The following GALNT18 variants were observed in gnomAD, a reference collection of about 807,000 sequenced individuals.
The protein encoded by GALNT18 is GalNAc-transferase 18.
GALNT18 carries 44 observed loss-of-function variants against 69.5 expected under a neutral mutation model. The observed-to-expected ratio is 0.63, with a 90% CI of 0.50 to 0.81. The LOEUF (loss-of-function observed/expected upper bound fraction) is 0.81, where lower values mean the gene tolerates loss of function less well. GALNT18 is among the 40% of genes least tolerant of loss of function. The probability of loss-of-function intolerance (pLI) is 0.00; values close to 1 mark genes in which losing one functional copy is unlikely to be tolerated. For synonymous variants in GALNT18, 364 were observed against 318.2 expected (o/e 1.14, Z -1.53); for missense variants, 715 against 810.0 (o/e 0.88, Z 1.42).
At chr11:11,323,540 G>C (rs1590037320) in intron 9 of GALNT18, among the ~76,000 whole-genome samples, 1 of 152,220 alleles carries the variant, frequency 6.6e-6, no homozygotes, top group Non-Finnish European at 1.5e-5. Flanking sequence ...TGGCTGTGTG[G>C]GGTGGCCCTG....
chr11:11,526,423 GTA>G (rs1444503692), intron 1 of GALNT18, among the ~76,000 whole-genome samples: 5 of 152,160 alleles, frequency 3.3e-5, no homozygotes, highest in Non-Finnish European at 7.3e-5. Flanking sequence ...TTTCTGGCAT[GTA>G]TAGTTACTTC....
intron 1 of GALNT18, among the ~76,000 whole-genome samples, chr11:11,599,223 A>G (rs912373291): frequency 3.3e-5 from 5 of 152,078 alleles, no homozygotes; most frequent in Admixed American, 1.3e-4. Context: ...GTTGAATTGT[A>G]TATTTCTCTG....
rs1855373961 is a variant in GALNT18, at chr11:11,435,328, G to A, written c.429-2541C>T. 6.6e-6 allele frequency among the ~76,000 whole-genome samples: 1 copy of A among 152,156 alleles called. No individual in the cohort carries two copies. Among genetic ancestry groups the A allele is most frequent in the Admixed American group, 6.5e-5 (1 of 15,270 alleles). On this transcript the variant is annotated intron_variant, in intron 2 of 10. Transcript: ENST00000227756. This position sits in a 1 kb window ranked among gnomAD's most constrained non-coding sequence, Gnocchi z 4.4. ...AGGAGACCAATTTTAATTCCTCCCA[G>A]TAGCAGCCCTGATGGTTTGAGCTGC... is the stretch of plus-strand genomic sequence containing the variant.
chr11:11,391,691 C>A (rs940769207), intron 3 of GALNT18, among the ~76,000 whole-genome samples: 7 of 152,274 alleles, frequency 4.6e-5, no homozygotes, highest in Non-Finnish European at 8.8e-5. Flanking sequence ...GAAGAGGGGG[C>A]CAGGGTATTT....
rs542482585 is a variant in GALNT18 at position 11,399,873 on chromosome 11, T to C, written c.596-20609A>G. 3.9e-5 allele frequency among the ~76,000 whole-genome samples: 6 copies of C among 152,384 alleles called. No individual in the cohort carries two copies. In the South Asian group the frequency reaches 1.2e-3, roughly 32 times the overall value. ...CAATTAACATTTATCGAGCACTTACTATGTGTTAAATATATAGCAATAAAG... is the reference window on the plus strand; with the variant it reads ...CAATTAACATTTATCGAGCACTTACCATGTGTTAAATATATAGCAATAAAG... On this transcript the variant is annotated intron_variant, in intron 3 of 10. Coordinates refer to ENST00000227756, the MANE Select transcript of GALNT18 (RefSeq NM_198516.3).
chr11:11,441,527 T>C (rs1855531419), intron 2 of GALNT18, among the ~76,000 whole-genome samples: 1 of 152,138 alleles, frequency 6.6e-6, no homozygotes, highest in African/African-American at 2.4e-5. Context: ...CTCGGCCACA[T>C]AGCGCCTGTG....
In GALNT18 at chr11:11,340,161, C is replaced by T. The variant is rs1564900962; in HGVS notation, c.1278+658G>A. Among the ~76,000 whole-genome samples the T allele has an allele frequency of 6.6e-6, 1 of 152,120 alleles. No individual in the cohort carries two copies. The highest frequency in any genetic ancestry group is 1.5e-5 in the Non-Finnish European group (1 of 68,012). ...TCCAAGGTCATTTCCACATGTTTCA[C>T]CTTGACACATGGCAGGGCTAAACAA... On this transcript the variant is annotated intron_variant, in intron 7 of 10. Coordinates refer to ENST00000227756, the MANE Select transcript of GALNT18 (RefSeq NM_198516.3). This position sits in a 1 kb window ranked among gnomAD's most constrained non-coding sequence, Gnocchi z 4.2.
rs983260175 is a variant in GALNT18 at position 11,500,412 on chromosome 11, T to C, written c.236-51476A>G. Among the ~76,000 whole-genome samples, 3 of 152,202 alleles carry C rather than the reference T, an allele frequency of 2.0e-5. No individual in the cohort carries two copies. Among genetic ancestry groups the C allele is most frequent in the African/African-American group, 7.2e-5 (3 of 41,454 alleles). Reference sequence around the variant, plus strand: ...TTCCTCACATGGAAAGTGGTGATGGTAACACCTACCTCACAGGATTGTGGA... The same window carrying C: ...TTCCTCACATGGAAAGTGGTGATGGCAACACCTACCTCACAGGATTGTGGA... On this transcript the variant is annotated intron_variant, in intron 1 of 10. Transcript: ENST00000227756. This position sits in a 1 kb window ranked among gnomAD's most constrained non-coding sequence, Gnocchi z 5.0.
In GALNT18 at chr11:11,358,967, G is replaced by A. The variant is rs1340913255; in HGVS notation, c.1092+13548C>T. On this transcript the variant is annotated intron_variant, in intron 6 of 10. Transcript: ENST00000227756. Reference sequence around the variant, plus strand: ...TAGAAACTACAATCCAATTTAAGGTGTTTAATTTTCTCTGTGTCCAGGGAT... The same window carrying A: ...TAGAAACTACAATCCAATTTAAGGTATTTAATTTTCTCTGTGTCCAGGGAT... Among the ~76,000 whole-genome samples the A allele has an allele frequency of 2.1e-5, 3 of 140,098 alleles. 1 individual carries two copies. Among genetic ancestry groups the A allele is most frequent in the African/African-American group, 7.9e-5 (3 of 37,852 alleles). 91.9% of individuals were successfully genotyped at this position (140,098 alleles called of 152,430 possible). A position where few individuals can be genotyped will look rare whatever the true frequency, so the allele number is the denominator to read the frequency against.
chr11:11,592,673 C>A lies in GALNT18; in HGVS notation c.235+28686G>T, dbSNP rs1323229054. On this transcript the variant is annotated intron_variant, in intron 1 of 10. Coordinates refer to ENST00000227756, the MANE Select transcript of GALNT18 (RefSeq NM_198516.3). The surrounding 1 kb of genome is among the most constrained non-coding windows in gnomAD (Gnocchi z 5.9). The stretch of plus-strand genomic sequence containing the variant: ...AACATCCTTCATGTAAAAATCCCAC[C>A]ACTCCCCAAAGCACATTTGGGAGTT... 1.3e-5 allele frequency among the ~76,000 whole-genome samples: 2 copies of A among 152,100 alleles called. No individual in the cohort carries two copies. Among genetic ancestry groups the A allele is most frequent in the African/African-American group, 4.8e-5 (2 of 41,406 alleles).
rs972109861 is a variant in GALNT18 at position 11,600,387 on chromosome 11, C to T, written c.235+20972G>A. Among the ~76,000 whole-genome samples, 2 of 152,044 alleles carry T rather than the reference C, an allele frequency of 1.3e-5. No homozygotes were observed. The highest frequency in any genetic ancestry group is 4.8e-5 in the African/African-American group (2 of 41,424). ...TATTTTGTATTCATTTTGTCTTCAA[C>T]TATTCTTTTGAAGAATAGTTTTGCT... On this transcript the variant is annotated intron_variant, in intron 1 of 10. Transcript: ENST00000227756. The surrounding 1 kb of genome is among the most constrained non-coding windows in gnomAD (Gnocchi z 4.8).
In GALNT18 at chr11:11,613,262, A is replaced by G. The variant is rs1424835119; in HGVS notation, c.235+8097T>C. On this transcript the variant is annotated intron_variant, in intron 1 of 10. Transcript: ENST00000227756. The surrounding 1 kb of genome is among the most constrained non-coding windows in gnomAD (Gnocchi z 4.2). ...ACTGGAACTACAGGGGATCTATAAA[A>G]GGTATACAGATCCACAGAGAAGATT... Among the ~76,000 whole-genome samples the G allele has an allele frequency of 6.6e-6, 1 of 152,232 alleles. No individual in the cohort carries two copies. The highest frequency in any genetic ancestry group is 1.5e-5 in the Non-Finnish European group (1 of 68,044).
intron 3 of GALNT18, among the ~76,000 whole-genome samples, chr11:11,388,210 T>TCA (rs1854098325): frequency 6.6e-6 from 1 of 152,098 alleles, no homozygotes; most frequent in African/African-American, 2.4e-5. Flanking sequence ...CTCTTTGGTG[T>TCA]CACAGTAGGG....
rs1853840730 is a variant in GALNT18 at position 11,378,931 on chromosome 11, C to G, written c.779+150G>C. 6 of 758,944 alleles carry G rather than the reference C, an allele frequency of 7.9e-6. No homozygotes were observed. The South Asian group carries it at 1.2e-4, about 16-fold the overall frequency. 47.0% of individuals were successfully genotyped at this position (758,944 alleles called of 1,614,324 possible). On this transcript the variant is annotated intron_variant, in intron 4 of 10. Coordinates refer to ENST00000227756, the MANE Select transcript of GALNT18 (RefSeq NM_198516.3). ...AACCCTAAAGGTCCAGCCTTGTTGC[C>G]TGGCTCACTCACACACCTACATCTC...
chr11:11,299,033 C>T (rs116082981), intron 9 of GALNT18, among the ~76,000 whole-genome samples: 2,835 of 152,180 alleles, frequency 0.019, 85 homozygotes, highest in African/African-American at 0.065. Context: ...ATTATTATGT[C>T]AATAGTTTTT....
chr11:11,570,982 C>T (rs1247402921), intron 1 of GALNT18, among the ~76,000 whole-genome samples: 1 of 152,182 alleles, frequency 6.6e-6, no homozygotes, highest in African/African-American at 2.4e-5. Context: ...TTTTCATGGG[C>T]CCCAAGTTTT....
intron 6 of GALNT18, among the ~76,000 whole-genome samples, chr11:11,371,257 G>A (rs1171847311): frequency 6.6e-6 from 1 of 152,244 alleles, no homozygotes; most frequent in African/African-American, 2.4e-5. Flanking sequence ...CTCACTGTGG[G>A]TGTCCAATCT....
rs1328140840 is a variant in GALNT18 at position 11,315,938 on chromosome 11, C to T, written c.1512+11148G>A. On this transcript the variant is annotated intron_variant, in intron 9 of 10. Coordinates refer to ENST00000227756, the MANE Select transcript of GALNT18 (RefSeq NM_198516.3). This position sits in a 1 kb window ranked among gnomAD's most constrained non-coding sequence, Gnocchi z 5.6. ...CTGAGGGTGGCTGCCGAGAGTGAGC[C>T]TCACAGGGCCAGTCCCCGCATCACT... Among the ~76,000 whole-genome samples, 2 of 151,986 alleles carry T rather than the reference C, an allele frequency of 1.3e-5. No homozygotes were observed. Among genetic ancestry groups the T allele is most frequent in the Non-Finnish European group, 2.9e-5 (2 of 68,018 alleles).
chr11:11,594,840 TAC>T (rs1160511669), intron 1 of GALNT18, among the ~76,000 whole-genome samples: 9,115 of 68,422 alleles, frequency 0.13, 322 homozygotes, highest in Middle Eastern at 0.27. Flanking sequence ...TATATATATA[TAC>T]ACATATACAT....
Sources: gnomAD v4.1 joint callset for allele counts (sites outside exome capture counted in the v4.1 genomes callset) on GRCh38, gnomAD v4.1.1 for gene constraint, Gnocchi (gnomAD v3.1) non-coding constraint, MANE v1.5 for transcripts, NCBI Gene and HGNC (gene_info 2026-07-23, HGNC 2026-07-21) for gene names.